HIVEP1: variants seen among roughly 807,000 people sequenced by gnomAD.
HIVEP1 encodes HIVEP zinc finger 1, also known as zinc finger protein 40.
HIVEP1 carries 36 observed loss-of-function variants against 180.0 expected under a neutral mutation model. The ratio of observed to expected loss-of-function variants is 0.20; its 90% CI spans 0.15 to 0.26. The LOEUF (loss-of-function observed/expected upper bound fraction) is 0.26. Ranked by LOEUF, HIVEP1 falls within the 10% of genes least tolerant of loss-of-function variation. The probability of loss-of-function intolerance (pLI) is 1.00; values close to 1 mark genes in which losing one functional copy is unlikely to be tolerated. For synonymous variants in HIVEP1, 1,239 were observed against 1,239.0 expected (o/e 1.00, Z 0.00); for missense variants, 3,143 against 3,268.7 (o/e 0.96, Z 0.94).
intron 3 of HIVEP1, among the ~76,000 whole-genome samples, chr6:12,117,298 TA>T (rs1366086885): frequency 6.6e-6 from 1 of 152,168 alleles, no homozygotes; most frequent in East Asian, 1.9e-4. Flanking sequence ...ACGATACAGA[TA>T]AAATGTAAGT....
At chr6:12,107,648 T>C (rs1438400785) in intron 3 of HIVEP1, among the ~76,000 whole-genome samples, 1 of 152,244 alleles carries the variant, frequency 6.6e-6, no homozygotes, top group Non-Finnish European at 1.5e-5. Flanking sequence ...GGAGTGAAGC[T>C]GCAGACCTTC....
At chr6:12,188,213 T>C in the HIVEP1 span, among the ~76,000 whole-genome samples, 1 of 152,232 alleles carries the variant, frequency 6.6e-6, no homozygotes, top group Non-Finnish European at 1.5e-5. Context: ...CAAATGGGGT[T>C]CATACCAGTG....
chr6:12,075,466 T>G (rs1484546566), intron 2 of HIVEP1, among the ~76,000 whole-genome samples: 1 of 152,220 alleles, frequency 6.6e-6, no homozygotes, highest in African/African-American at 2.4e-5. Flanking sequence ...GCGCTGGCCT[T>G]TAGCTGCTTC....
chr6:12,058,805 C>T (rs747807319), intron 2 of HIVEP1, among the ~76,000 whole-genome samples: 14 of 152,018 alleles, frequency 9.2e-5, no homozygotes, highest in Non-Finnish European at 2.1e-4. Flanking sequence ...GTAAGCTTTG[C>T]AAAAGAAAAT....
downstream of HIVEP1, among the ~76,000 whole-genome samples, chr6:12,166,220 AG>A (rs1760696852): frequency 6.6e-6 from 1 of 152,236 alleles, no homozygotes; most frequent in Admixed American, 6.5e-5. Flanking sequence ...ATTTTAAAGC[AG>A]TATAATAAGC....
At chr6:12,016,686 A>G (rs531113453) in intron 2 of HIVEP1, among the ~76,000 whole-genome samples, 1 of 152,324 alleles carries the variant, frequency 6.6e-6, no homozygotes, top group South Asian at 2.1e-4. Flanking sequence ...CAAATTGATG[A>G]TTGTAGTAAC....
chr6:12,179,294 G>A, the HIVEP1 span, among the ~76,000 whole-genome samples: 1 of 152,124 alleles, frequency 6.6e-6, no homozygotes, highest in South Asian at 2.1e-4. Flanking sequence ...TGGAGCAGGT[G>A]GCTTAGTTTC....
intron 3 of HIVEP1, among the ~76,000 whole-genome samples, chr6:12,108,444 C>T (rs1056643193): frequency 5.9e-5 from 9 of 152,326 alleles, no homozygotes; most frequent in African/African-American, 7.2e-5. Flanking sequence ...CAGGGGGCGG[C>T]GCTCATCGGG....
chr6:12,079,055 A>G (rs1581640967), intron 2 of HIVEP1, among the ~76,000 whole-genome samples: 1 of 152,110 alleles, frequency 6.6e-6, no homozygotes, highest in African/African-American at 2.4e-5. Flanking sequence ...CTCTCCCACC[A>G]TGGTTACGAT....
chr6:12,140,704 G>A (rs1307772143), intron 7 of HIVEP1, among the ~76,000 whole-genome samples: 1 of 152,186 alleles, frequency 6.6e-6, no homozygotes. Flanking sequence ...ACTGTGGCAC[G>A]AGAACTACGT....
chr6:12,139,517 C>T (rs1758890134), intron 7 of HIVEP1, among the ~76,000 whole-genome samples: 1 of 152,206 alleles, frequency 6.6e-6, no homozygotes, highest in African/African-American at 2.4e-5. Flanking sequence ...GAGGGTGAGC[C>T]AAAGCAGGGC....
At chr6:12,079,933 C>CATCCATCT (rs1554139828) in intron 2 of HIVEP1, among the ~76,000 whole-genome samples, 1 of 149,140 alleles carries the variant, frequency 6.7e-6, no homozygotes, top group Non-Finnish European at 1.5e-5. Flanking sequence ...TTCCTGATGG[C>CATCCATCT]ATCTATCTAT....
intron 1 of HIVEP1, among the ~76,000 whole-genome samples, chr6:12,015,223 A>C (rs1435797160): frequency 6.6e-6 from 1 of 152,182 alleles, no homozygotes; most frequent in Non-Finnish European, 1.5e-5. Flanking sequence ...GCCTAACATA[A>C]TCCTTTTGTA....
chr6:12,031,728 A>G (rs747547230), intron 2 of HIVEP1, among the ~76,000 whole-genome samples: 9 of 152,070 alleles, frequency 5.9e-5, no homozygotes, highest in Admixed American at 2.6e-4. Context: ...ATGCCCCTCC[A>G]CGTGTATACG....
At chr6:12,038,910 A>G (rs1769485509) in intron 2 of HIVEP1, 1 of 152,206 alleles carries the variant, frequency 6.6e-6, no homozygotes, top group Admixed American at 6.5e-5. Context: ...CTGTGTTATA[A>G]AATGAGTATA....
downstream of HIVEP1, among the ~76,000 whole-genome samples, chr6:12,167,641 A>ATG (rs1448069424): frequency 3.6e-5 from 2 of 55,268 alleles, no homozygotes; most frequent in African/African-American, 1.7e-4. Flanking sequence ...TTATATATAC[A>ATG]TATACATATA....
chr6:12,190,791 A>G, the HIVEP1 span, among the ~76,000 whole-genome samples: 1 of 152,172 alleles, frequency 6.6e-6, no homozygotes, highest in East Asian at 1.9e-4. Context: ...GACACCTGTA[A>G]GAGTACCCGA....
intron 2 of HIVEP1, among the ~76,000 whole-genome samples, chr6:12,032,989 ACT>A (rs2113647704): frequency 6.6e-6 from 1 of 152,320 alleles, no homozygotes; most frequent in South Asian, 2.1e-4. Flanking sequence ...ATGAAACTTC[ACT>A]GTTATTTTAC....
At chr6:12,075,673 C>T (rs1267619765) in intron 2 of HIVEP1, among the ~76,000 whole-genome samples, 1 of 151,450 alleles carries the variant, frequency 6.6e-6, no homozygotes, top group Non-Finnish European at 1.5e-5. Flanking sequence ...ATTTACCTAT[C>T]GTTCAGCTTC....
Sources: gnomAD v4.1 joint callset for allele counts (sites outside exome capture counted in the v4.1 genomes callset) on GRCh38, gnomAD v4.1.1 for gene constraint, MANE v1.5 for transcripts, NCBI Gene and HGNC (gene_info 2026-07-23, HGNC 2026-07-21) for gene names.